Variants in SCAF4 observed in about 807,000 individuals in gnomAD.
The protein encoded by SCAF4 is SR-related and CTD-associated factor 4.
In SCAF4, 25 loss-of-function variants were observed where a neutral mutation model predicts 129.8. The ratio of observed to expected loss-of-function variants is 0.19; its 90% CI spans 0.14 to 0.27. The LOEUF (loss-of-function observed/expected upper bound fraction) is 0.27. SCAF4 is among the 10% of genes least tolerant of loss of function. The probability of loss-of-function intolerance (pLI) is 1.00; values close to 1 mark genes in which losing one functional copy is unlikely to be tolerated. For missense variants in SCAF4, 1,246 were observed against 1,457.1 expected (o/e 0.86, Z 2.36); for synonymous variants, 551 against 497.7 (o/e 1.11, Z -1.43).
In SCAF4 at chr21:31,716,467, C is replaced by T. The variant is rs1294165517; in HGVS notation, c.31-10110G>A. Among the ~76,000 whole-genome samples the T allele has an allele frequency of 2.0e-5, 3 of 152,012 alleles. No individual in the cohort carries two copies. The East Asian group carries it at 5.8e-4, about 29-fold the overall frequency. On this transcript the variant is annotated intron_variant, in intron 1 of 19. Coordinates refer to ENST00000286835, the MANE Select transcript of SCAF4 (RefSeq NM_020706.2). The stretch of plus-strand genomic sequence containing the variant: ...AAAGCATTTAGTTCTACAGTCTTTC[C>T]TCCTCTTTCATACTCAACTTAATAT...
intron 1 of SCAF4, among the ~76,000 whole-genome samples, chr21:31,711,398 A>G (rs553946746): frequency 2.6e-5 from 4 of 152,194 alleles, no homozygotes; most frequent in Non-Finnish European, 5.9e-5. Context: ...GAAATCCAGA[A>G]ATTACGCTGA....
chr21:31,722,314 A>G (rs558983118), intron 1 of SCAF4, among the ~76,000 whole-genome samples: 1 of 152,314 alleles, frequency 6.6e-6, no homozygotes, highest in Non-Finnish European at 1.5e-5. Context: ...AGCTCTCCTC[A>G]GGCTCAGCAT....
At chr21:31,688,114 C>CAAAAAAAAAAAAAAAAAAAAAAA (rs61592268) in intron 16 of SCAF4, among the ~76,000 whole-genome samples, 193 bp downstream of exon 16, 2 of 10,908 alleles carry the variant, frequency 1.8e-4, no homozygotes, top group African/African-American at 6.3e-4. Context: ...GACTCTGTCT[C>CAAAAAAAAAAAAAAAAAAAAAAA]AAAAAAAAAA....
intron 1 of SCAF4, among the ~76,000 whole-genome samples, chr21:31,726,611 G>A (rs2051211595): frequency 6.6e-6 from 1 of 152,176 alleles, no homozygotes; most frequent in Non-Finnish European, 1.5e-5. Flanking sequence ...GTTGCAATGG[G>A]TGGAGTTTGT....
intron 1 of SCAF4, among the ~76,000 whole-genome samples, chr21:31,724,073 A>G (rs1428372646): frequency 2.0e-5 from 3 of 152,212 alleles, no homozygotes; most frequent in Non-Finnish European, 4.4e-5. Flanking sequence ...CTTAAAAAGC[A>G]CCAATAAAAA....
intron 19 of SCAF4, 44 bp downstream of exon 19, chr21:31,685,005 G>A (rs1392066192): frequency 5.4e-6 from 4 of 745,036 alleles, no homozygotes; most frequent in Non-Finnish European, 8.9e-6. Context: ...GGGGTGGGGG[G>A]GGGGTGGGGC....
chr21:31,711,227 T>C (rs2050791822), intron 1 of SCAF4, among the ~76,000 whole-genome samples: 1 of 152,242 alleles, frequency 6.6e-6, no homozygotes. Flanking sequence ...ATACAGATTT[T>C]TCAAAATTGG....
At chr21:31,723,942 C>T (rs1304471599) in intron 1 of SCAF4, among the ~76,000 whole-genome samples, 2 of 152,106 alleles carry the variant, frequency 1.3e-5, no homozygotes, top group South Asian at 2.1e-4. Flanking sequence ...AGTAAAAACC[C>T]GGGCTTCTAA....
intron 16 of SCAF4, among the ~76,000 whole-genome samples, chr21:31,686,879 T>C (rs2050139341): frequency 6.6e-6 from 1 of 152,120 alleles, no homozygotes. Context: ...TCCACTCCAG[T>C]CCATGGAAAA....
chr21:31,708,543 T>G (rs2050723738), intron 1 of SCAF4, among the ~76,000 whole-genome samples: 1 of 152,194 alleles, frequency 6.6e-6, no homozygotes, highest in South Asian at 2.1e-4. Context: ...ATAAAAGGTA[T>G]ATTCTGTTAT....
At chr21:31,690,432 C>T (rs2050232701) in intron 15 of SCAF4, among the ~76,000 whole-genome samples, 1 of 151,976 alleles carries the variant, frequency 6.6e-6, no homozygotes, top group African/African-American at 2.4e-5. Flanking sequence ...TTGCAGTGAC[C>T]CAAGATTGCA....
chr21:31,723,440 A>G (rs948937451), intron 1 of SCAF4, among the ~76,000 whole-genome samples: 5 of 151,506 alleles, frequency 3.3e-5, no homozygotes, highest in Non-Finnish European at 5.9e-5. Context: ...GTGACAGAGC[A>G]ACACTCCGTC....
Position 31,685,143 on chromosome 21 carries a change from A to G in SCAF4, c.2394T>C (p.Ser798=). The part of the protein sequence containing the change: ...VVSGARGNAE[S]GDSVKMYGSA... The stretch of plus-strand genomic sequence containing the variant: ...AGCCATACATTTTCACGCTGTCACC[A>G]GACTCGGCGTTTCCTCTAGCCCCAG... The change falls in exon 19 of 20, where the codon TCT becomes TCC. Residue 798 remains serine, a synonymous_variant. Transcript: ENST00000286835. 6.2e-7 allele frequency: 1 copy of G among 1,613,158 alleles called. No homozygotes were observed. The highest frequency in any genetic ancestry group is 8.5e-7 in the Non-Finnish European group (1 of 1,179,798).
chr21:31,730,673 T>A (rs1209628530), intron 1 of SCAF4, among the ~76,000 whole-genome samples: 1 of 152,236 alleles, frequency 6.6e-6, no homozygotes, highest in Non-Finnish European at 1.5e-5. Flanking sequence ...TGACAATAGT[T>A]CCCATTCTGT....
At chr21:31,719,146 C>T (rs182259875) in intron 1 of SCAF4, among the ~76,000 whole-genome samples, 1 of 152,008 alleles carries the variant, frequency 6.6e-6, no homozygotes, top group Non-Finnish European at 1.5e-5. Flanking sequence ...CAAAATTAGC[C>T]GGGCGTGGTG....
At chr21:31,699,821 T>TGGAGC (rs1359589207) in intron 7 of SCAF4, among the ~76,000 whole-genome samples, 1 of 151,896 alleles carries the variant, frequency 6.6e-6, no homozygotes, top group Non-Finnish European at 1.5e-5. Context: ...CAGACAAGAG[T>TGGAGC]GGAGCTGTTA....
chr21:31,676,482 G>A (rs1465275025), intron 19 of SCAF4, among the ~76,000 whole-genome samples: 8 of 152,092 alleles, frequency 5.3e-5, no homozygotes, highest in Admixed American at 5.2e-4. Flanking sequence ...GGTTTTAAAT[G>A]CAACTCTTCT....
chr21:31,680,789 A>G (rs1467966137), intron 19 of SCAF4, among the ~76,000 whole-genome samples: 1 of 152,256 alleles, frequency 6.6e-6, no homozygotes, highest in East Asian at 1.9e-4. Flanking sequence ...GAGCTACTAA[A>G]AAATCTAAAA....
chr21:31,696,061 A>T, intron 9 of SCAF4, 52 bp downstream of exon 9: 1 of 1,322,590 alleles, frequency 7.6e-7, no homozygotes, highest in Non-Finnish European at 1.1e-6. Context: ...TGCAAACCAT[A>T]CGCTCTATAA....
Sources: allele counts gnomAD v4.1 joint callset (sites outside exome capture counted in the v4.1 genomes callset), GRCh38; gene constraint gnomAD v4.1.1; transcripts MANE v1.5; gene names NCBI Gene and HGNC (gene_info 2026-07-23, HGNC 2026-07-21).